The following DDX6 variants were observed in gnomAD, a reference collection of about 807,000 sequenced individuals.
The protein encoded by DDX6 is probable ATP-dependent RNA helicase DDX6.
DDX6 carries 7 observed loss-of-function variants against 60.6 expected under a neutral mutation model. The observed-to-expected ratio is 0.12, with a 90% CI of 0.07 to 0.22. The LOEUF is 0.22. Among genes scored for constraint, DDX6 ranks in the 10% least tolerant of loss-of-function variants. DDX6 has a pLI of 1.00. For missense variants in DDX6, 270 were observed against 589.9 expected (o/e 0.46, Z 5.62); for synonymous variants, 207 against 201.0 (o/e 1.03, Z -0.25).
intron 3 of DDX6, among the ~76,000 whole-genome samples, chr11:118,780,412 A>C (rs1861856178): frequency 6.6e-6 from 1 of 151,950 alleles, no homozygotes; most frequent in African/African-American, 2.4e-5. Context: ...CTGCCTCCCA[A>C]GTTCAAGTAA....
In DDX6 at chr11:118,781,147, G is replaced by C; in HGVS notation, c.238C>G (p.Pro80Ala). ...DDWKKTLKLP[P>A]KDLRIKTSDV... ...GAAGTTTTGATTCTTAGATCCTTTG[G>C]AGGGAGTTTTAAAGTCTTTTTCCAG... Residue 80 changes from proline to alanine, a missense_variant, in exon 3 of 14, where the codon CCA becomes GCA. Around this residue, in one of 8 missense-constraint regions of DDX6, gnomAD observed 102 missense variants for 110.5 expected, o/e 0.92. Coordinates refer to ENST00000534980, the MANE Select transcript of DDX6 (RefSeq NM_004397.6). 6.2e-7 allele frequency: 1 copy of C among 1,606,300 alleles called. No homozygotes were observed. The highest frequency in any genetic ancestry group is 8.5e-7 in the Non-Finnish European group (1 of 1,175,434).
intron 2 of DDX6, chr11:118,785,836 G>A (rs940055891): frequency 2.4e-6 from 1 of 416,548 alleles, no homozygotes; most frequent in Non-Finnish European, 4.2e-6. Context: ...AAATTTGTGT[G>A]TATCATCTGA....
chr11:118,769,553 A>G (rs73001499), intron 4 of DDX6, among the ~76,000 whole-genome samples: 1 of 152,340 alleles, frequency 6.6e-6, no homozygotes, highest in Non-Finnish European at 1.5e-5. Flanking sequence ...ATAGACATAT[A>G]CAAAGAGAGG....
At chr11:118,775,786 T>C (rs150216757) in intron 4 of DDX6, among the ~76,000 whole-genome samples, 36 of 152,318 alleles carry the variant, frequency 2.4e-4, no homozygotes, top group African/African-American at 7.9e-4. Flanking sequence ...ACAAAGTTAA[T>C]TTTAAATTTT....
chr11:118,753,041 T>C (rs1287398901), intron 13 of DDX6, among the ~76,000 whole-genome samples: 2 of 152,208 alleles, frequency 1.3e-5, no homozygotes, highest in Admixed American at 6.5e-5. Flanking sequence ...GGGTTATTTA[T>C]ATATGAGGCA....
rs1037443185 is a variant in DDX6 at position 118,786,062 on chromosome 11, T to C, written c.190A>G (p.Thr64Ala). The C allele has an allele frequency of 6.2e-7, 1 of 1,613,378 alleles. No individual in the cohort carries two copies. The highest frequency in any genetic ancestry group is 1.3e-5 in the African/African-American group (1 of 75,032). Residue 64 changes from threonine (T) to alanine (A), a missense_variant, in exon 2 of 14, where the codon ACC (threonine) becomes GCC (alanine). Physicochemically the swap from Thr to Ala is moderately conservative, Grantham distance 58 (BLOSUM62 0). Around this residue, in one of 8 missense-constraint regions of DDX6, gnomAD observed 102 missense variants for 110.5 expected, o/e 0.92. Transcript: ENST00000534980. Reference protein sequence around the residue: ...GTQQQAQSMTTTIKPGDDWKK... With the variant: ...GTQQQAQSMTATIKPGDDWKK... ...TACTCTAACACTTACTTAATAGTGG[T>C]GGTCATACTCTGTGCTTGCTGCTGA... is the stretch of plus-strand genomic sequence containing the variant.
chr11:118,749,784 C>G lies in DDX6; in HGVS notation c.*2321G>C, dbSNP rs992349136. On this transcript the variant is annotated 3_prime_UTR_variant, in exon 14 of 14. Transcript: ENST00000534980. ...CAATTTTTTTGGTCAAAAGTTGACA[C>G]CTTTTAAATTCCCTCTCCCACCCCT... The G allele has an allele frequency of 6.6e-6, 1 of 152,574 alleles. No homozygotes were observed. The highest frequency in any genetic ancestry group is 2.4e-5 in the African/African-American group (1 of 41,428). 9.5% of individuals were successfully genotyped at this position (152,574 alleles called of 1,614,324 possible).
chr11:118,787,487 GAAA>G (rs11372890), intron 1 of DDX6: 1 of 147,624 alleles, frequency 6.8e-6, no homozygotes, highest in African/African-American at 2.5e-5. Flanking sequence ...AAACAAACAA[GAAA>G]AAAAAAACAA....
At chr11:118,761,000 C>G (rs1861147800) in intron 7 of DDX6, among the ~76,000 whole-genome samples, 1 of 151,874 alleles carries the variant, frequency 6.6e-6, no homozygotes, top group Non-Finnish European at 1.5e-5. Context: ...ATTAGCTGTG[C>G]ACAGTGGCAA....
At chr11:118,756,970 A>C (rs1860999125) in intron 10 of DDX6, among the ~76,000 whole-genome samples, 1 of 152,212 alleles carries the variant, frequency 6.6e-6, no homozygotes, top group African/African-American at 2.4e-5. Context: ...AATTTTCCTA[A>C]CAACCTTGTA....
At chr11:118,757,399 T>TA in intron 9 of DDX6, 112 bp from the exon 10 acceptor site, 1 of 537,726 alleles carries the variant, frequency 1.9e-6, no homozygotes. Context: ...GTCTAAAACT[T>TA]AGAATCTCAT....
In DDX6 at chr11:118,750,507, G is replaced by T. The variant is rs1256438175; in HGVS notation, c.*1598C>A. ...GTTGCCCATTCCTGCAAAAGTTTATGTATCAAAGCGGGCAGAGGGCAACAC... is the reference window on the plus strand; with the variant it reads ...GTTGCCCATTCCTGCAAAAGTTTATTTATCAAAGCGGGCAGAGGGCAACAC... On this transcript the variant is annotated 3_prime_UTR_variant, in exon 14 of 14. Coordinates refer to ENST00000534980, the MANE Select transcript of DDX6 (RefSeq NM_004397.6). 1 of 152,132 alleles carries T rather than the reference G, an allele frequency of 6.6e-6. No homozygotes were observed. Among genetic ancestry groups the T allele is most frequent in the Non-Finnish European group, 1.5e-5 (1 of 68,034 alleles). The allele number at this position is 152,132 out of a possible 1,614,324, so 9.4% of individuals were successfully genotyped here.
intron 2 of DDX6, among the ~76,000 whole-genome samples, chr11:118,783,219 T>C (rs1382713571): frequency 6.6e-6 from 1 of 152,114 alleles, no homozygotes; most frequent in Non-Finnish European, 1.5e-5. Flanking sequence ...AAGAAACCAT[T>C]AATCGTAGGA....
At chr11:118,785,219 C>T (rs1203535623) in intron 2 of DDX6, among the ~76,000 whole-genome samples, 1 of 152,152 alleles carries the variant, frequency 6.6e-6, no homozygotes, top group African/African-American at 2.4e-5. Context: ...AGCCTACATA[C>T]TTTCAGCTTT....
chr11:118,760,569 T>A (rs2137437808), intron 7 of DDX6, among the ~76,000 whole-genome samples: 1 of 152,260 alleles, frequency 6.6e-6, no homozygotes, highest in African/African-American at 2.4e-5. Flanking sequence ...ACGCCTGTAA[T>A]CCCAGCACTT....
At chr11:118,782,375 T>TA (rs1861927498) in intron 2 of DDX6, among the ~76,000 whole-genome samples, 1 of 149,060 alleles carries the variant, frequency 6.7e-6, no homozygotes, top group African/African-American at 2.5e-5. Flanking sequence ...TTTGGCCAGG[T>TA]AAAAACCTCA....
At chr11:118,778,279 C>T (rs1555164023) in intron 4 of DDX6, among the ~76,000 whole-genome samples, 2 of 152,060 alleles carry the variant, frequency 1.3e-5, no homozygotes, top group South Asian at 4.1e-4. Context: ...TCACAAGATA[C>T]GAAGTTAAAT....
At chr11:118,782,498 C>T (rs1861932514) in intron 2 of DDX6, among the ~76,000 whole-genome samples, 1 of 151,988 alleles carries the variant, frequency 6.6e-6, no homozygotes, top group Non-Finnish European at 1.5e-5. Context: ...GCTGTTCTTA[C>T]ATAACCAGAG....
intron 1 of DDX6, chr11:118,788,306 AAAC>A (rs1159512293): frequency 0.32 from 487 of 1,524 alleles, 1 homozygote; most frequent in African/African-American, 0.46. Flanking sequence ...TCTGACTTAA[AAAC>A]AAACAAAGCA....
Sources: allele counts gnomAD v4.1 joint callset (sites outside exome capture counted in the v4.1 genomes callset), GRCh38; gene constraint gnomAD v4.1.1; regional missense constraint gnomAD v4.1.1; transcripts MANE v1.5; gene names NCBI Gene and HGNC (gene_info 2026-07-23, HGNC 2026-07-21).